Variants in SGSM1 observed in about 807,000 individuals in gnomAD.
The protein encoded by SGSM1 is small G protein signaling modulator 1.
Under a neutral mutation model 133.8 loss-of-function variants are expected in SGSM1, and 73 were observed. That is an observed-to-expected ratio of 0.55 (90% confidence interval 0.45 to 0.66). The LOEUF (loss-of-function observed/expected upper bound fraction) is 0.66. Ranked by LOEUF, SGSM1 falls within the 30% of genes least tolerant of loss-of-function variation. SGSM1 has a pLI of 0.00. For synonymous variants in SGSM1, 563 were observed against 573.0 expected, an observed-to-expected ratio of 0.98 and a Z score of 0.25; for missense variants, 1,213 against 1,448.1, an observed-to-expected ratio of 0.84 and a Z score of 2.64.
chr22:24,822,932 G>A (rs964673677), intron 2 of SGSM1, among the ~76,000 whole-genome samples: 12 of 152,232 alleles, frequency 7.9e-5, no homozygotes, highest in Non-Finnish European at 1.3e-4. Context: ...ATGCATGGTA[G>A]TTGTGAGTCT....
intron 16 of SGSM1, among the ~76,000 whole-genome samples, chr22:24,892,709 G>C (rs1185434711): frequency 6.6e-6 from 1 of 151,904 alleles, no homozygotes; most frequent in African/African-American, 2.4e-5. Context: ...ATGGATGAAT[G>C]AATGAGTAAA....
At chr22:24,876,750 G>A in intron 13 of SGSM1, 35 bp downstream of exon 13, 1 of 1,613,486 alleles carries the variant, frequency 6.2e-7, no homozygotes, top group Non-Finnish European at 8.5e-7. Context: ...GGAGAGAGCT[G>A]AAGGATGTAC....
intron 2 of SGSM1, among the ~76,000 whole-genome samples, chr22:24,834,856 G>T (rs180851853): frequency 6.6e-6 from 1 of 151,622 alleles, no homozygotes; most frequent in Non-Finnish European, 1.5e-5. Flanking sequence ...CCTGGCCCTG[G>T]ATCTTCCTGG....
At chr22:24,900,342 T>TCTTC in intron 19 of SGSM1, among the ~76,000 whole-genome samples, 1 of 23,040 alleles carries the variant, frequency 4.3e-5, no homozygotes, top group African/African-American at 1.5e-4. Context: ...GTTAACCTCT[T>TCTTC]CTTTCTTTCT....
chr22:24,830,733 C>T lies in SGSM1; in HGVS notation c.64-14164C>T, dbSNP rs370044695. On this transcript the variant is annotated intron_variant, in intron 2 of 24. Transcript: ENST00000400358. Reference sequence around the variant, plus strand: ...CGCTTGAACTCTAATGAACTTTGAGCGTGCATGAGAATCACCGGGAGGGCT... The same window carrying T: ...CGCTTGAACTCTAATGAACTTTGAGTGTGCATGAGAATCACCGGGAGGGCT... Among the ~76,000 whole-genome samples the T allele has an allele frequency of 4.3e-4, 26 of 59,916 alleles. 2 individuals are homozygous for T. The highest frequency in any genetic ancestry group is 0.02 in the Middle Eastern group (2 of 100). The allele number at this position is 59,916 out of a possible 152,430, so 39.3% of individuals were successfully genotyped here.
At chr22:24,814,512 C>T (rs112427733) in intron 2 of SGSM1, among the ~76,000 whole-genome samples, 3 of 148,556 alleles carry the variant, frequency 2.0e-5, no homozygotes, top group African/African-American at 7.5e-5. Flanking sequence ...CAGCAATCCA[C>T]ACAGGGTTCC....
chr22:24,886,542 A>G, intron 15 of SGSM1, 58 bp from the exon 16 acceptor site: 2 of 1,536,818 alleles, frequency 1.3e-6, no homozygotes, highest in Non-Finnish European at 1.8e-6. Context: ...CATCCCTACT[A>G]AAACCACCCC....
At position 24,907,866 on chromosome 22, in the gene SGSM1, C is replaced by T. The variant is rs145645726; in HGVS notation, c.2818+2679C>T. ...GGCGGAGCTTGCAATGAACTGAGAT[C>T]GCGCCACTGCACTCCAGCCTAGGTG... On this transcript the variant is annotated intron_variant, in intron 21 of 24. Transcript: ENST00000400358. Among the ~76,000 whole-genome samples the T allele has an allele frequency of 7.6e-3, 1,024 of 135,330 alleles. 17 individuals are homozygous for T. Among genetic ancestry groups the T allele is most frequent in the African/African-American group, 0.027 (964 of 35,888 alleles). The allele number at this position is 135,330 out of a possible 152,430, so 88.8% of individuals were successfully genotyped here.
intron 24 of SGSM1, 79 bp downstream of exon 24, chr22:24,920,072 A>T: frequency 7.1e-7 from 1 of 1,409,286 alleles, no homozygotes; most frequent in South Asian, 1.3e-5. Flanking sequence ...AGGAATGAAG[A>T]TGGGCTGAGA....
At chr22:24,876,234 C>G (rs1440083907) in intron 12 of SGSM1, among the ~76,000 whole-genome samples, 1 of 152,194 alleles carries the variant, frequency 6.6e-6, no homozygotes, top group South Asian at 2.1e-4. Context: ...GCAGGCTCCC[C>G]TTCCCTCCTG....
chr22:24,856,453 C>G (rs948169680), intron 8 of SGSM1, among the ~76,000 whole-genome samples: 1 of 152,198 alleles, frequency 6.6e-6, no homozygotes, highest in Non-Finnish European at 1.5e-5. Context: ...CCTTCTCTGC[C>G]CCATCACATG....
chr22:24,834,165 AAG>A (rs1213057159), intron 2 of SGSM1, among the ~76,000 whole-genome samples: 7 of 152,252 alleles, frequency 4.6e-5, no homozygotes, highest in Admixed American at 2.0e-4. Context: ...CTACAACCTT[AAG>A]AGAGGGCCAG....
In SGSM1 at chr22:24,926,117, G is replaced by C. The variant is rs1003693749; in HGVS notation, c.*1843G>C. ...GAAGCATTTGCGGAGGGGTGTATTA[G>C]TCCTCCCACCCTGAGCACACCAGGA... On this transcript the variant is annotated 3_prime_UTR_variant, in exon 25 of 25. Coordinates refer to ENST00000400358, the MANE Select transcript of SGSM1 (RefSeq NM_001098497.3). 1 of 152,212 alleles carries C rather than the reference G, an allele frequency of 6.6e-6. No homozygotes were observed. The highest frequency in any genetic ancestry group is 1.9e-4 in the East Asian group (1 of 5,188). 9.4% of individuals were successfully genotyped at this position (152,212 alleles called of 1,614,324 possible). A position where few individuals can be genotyped will look rare whatever the true frequency, so the allele number is the denominator to read the frequency against.
At chr22:24,849,502 G>A (rs562712318) in intron 4 of SGSM1, among the ~76,000 whole-genome samples, 6 of 152,274 alleles carry the variant, frequency 3.9e-5, no homozygotes, top group East Asian at 3.9e-4. Flanking sequence ...GTGGTGAGCC[G>A]AATTGTGCCA....
chr22:24,841,236 G>A (rs757784563), intron 2 of SGSM1, among the ~76,000 whole-genome samples: 26 of 152,202 alleles, frequency 1.7e-4, no homozygotes, highest in Non-Finnish European at 2.8e-4. Context: ...AGAGTACACT[G>A]TTTATGACTC....
intron 2 of SGSM1, among the ~76,000 whole-genome samples, chr22:24,840,077 G>T (rs1929701791): frequency 1.3e-5 from 2 of 151,756 alleles, no homozygotes; most frequent in South Asian, 4.2e-4. Flanking sequence ...CGAGTAGCTG[G>T]GACTACAGGT....
At chr22:24,821,048 C>T (rs1928439557) in intron 2 of SGSM1, among the ~76,000 whole-genome samples, 1 of 151,982 alleles carries the variant, frequency 6.6e-6, no homozygotes, top group Non-Finnish European at 1.5e-5. Flanking sequence ...TCTCCTTTTT[C>T]CTTTCTTGAT....
At chr22:24,901,371 A>C (rs139735) in intron 19 of SGSM1, among the ~76,000 whole-genome samples, 44,001 of 152,038 alleles carry the variant, frequency 0.29, 6,704 homozygotes, top group East Asian at 0.56. Context: ...ATCTAAGCTT[A>C]AATTTTCCCA....
chr22:24,827,617 A>G (rs1928872971), intron 2 of SGSM1, among the ~76,000 whole-genome samples: 3 of 152,152 alleles, frequency 2.0e-5, no homozygotes, highest in South Asian at 4.1e-4. Context: ...CCTCCTGGGT[A>G]GTCCGTGTCA....
Sources: gnomAD v4.1 joint callset for allele counts (sites outside exome capture counted in the v4.1 genomes callset) on GRCh38, gnomAD v4.1.1 for gene constraint, MANE v1.5 for transcripts, NCBI Gene and HGNC (gene_info 2026-07-23, HGNC 2026-07-21) for gene names.